ADAMTS17: variants seen among roughly 807,000 people sequenced by gnomAD.
The protein encoded by ADAMTS17 is A disintegrin and metalloproteinase with thrombospondin motifs 17.
ADAMTS17 carries 113 observed loss-of-function variants against 141.5 expected under a neutral mutation model. That is an observed-to-expected ratio of 0.80 (90% CI 0.69 to 0.93). The LOEUF is 0.93. Ranked by LOEUF, ADAMTS17 falls within the 40% of genes least tolerant of loss-of-function variation. ADAMTS17 has a pLI of 0.00. For synonymous variants in ADAMTS17, 768 were observed against 630.6 expected (o/e 1.22, Z -3.27); for missense variants, 1,659 against 1,517.9 (o/e 1.09, Z -1.54).
In ADAMTS17 at chr15:100,261,497, G is replaced by A. The variant is rs1162633279; in HGVS notation, c.1013C>T (p.Ala338Val). The change falls in exon 6 of 22, where the codon GCT (alanine) becomes GTT (valine). Residue 338 changes from alanine to valine, a missense_variant. Ala to Val is a moderately conservative substitution (Grantham distance 64). Coordinates refer to ENST00000268070, the MANE Select transcript of ADAMTS17 (RefSeq NM_139057.4). ...ATCTTACCTGGTCACAAACACGGCA[G>A]CATCCACCAGGGGCGGGTCGTCCTT... is the stretch of plus-strand genomic sequence containing the variant. ...GGKDDPPLVD[A>V]AVFVTRTDFC... 2 of 1,614,100 alleles carry A rather than the reference G, an allele frequency of 1.2e-6. No homozygotes were observed. The highest frequency in any genetic ancestry group is 2.2e-5 in the South Asian group (2 of 91,072).
intron 13 of ADAMTS17, 140 bp from the exon 14 acceptor site, chr15:100,109,256 C>CGCCCCA: frequency 9.7e-7 from 1 of 1,033,430 alleles, no homozygotes; most frequent in Non-Finnish European, 1.4e-6. Context: ...CTCAGGTACG[C>CGCCCCA]GCTCCAGGAA....
intron 4 of ADAMTS17, among the ~76,000 whole-genome samples, chr15:100,271,613 A>C (rs2043916065): frequency 6.6e-6 from 1 of 151,576 alleles, no homozygotes; most frequent in Non-Finnish European, 1.5e-5. Context: ...TGGGTTTTAG[A>C]AGCTTTCTAT....
chr15:100,204,546 T>C (rs2041459127), intron 7 of ADAMTS17, among the ~76,000 whole-genome samples: 2 of 152,240 alleles, frequency 1.3e-5, no homozygotes, highest in East Asian at 1.9e-4. Flanking sequence ...GCAAATGTCT[T>C]AGAGGCTAGG....
At chr15:100,157,784 C>T (rs193143049) in intron 8 of ADAMTS17, among the ~76,000 whole-genome samples, 1 of 152,278 alleles carries the variant, frequency 6.6e-6, no homozygotes, top group East Asian at 1.9e-4. Flanking sequence ...TAGATTCAGT[C>T]TCGTCCTCAT....
At chr15:100,111,422 C>G (rs889873545) in intron 13 of ADAMTS17, among the ~76,000 whole-genome samples, 2 of 152,208 alleles carry the variant, frequency 1.3e-5, no homozygotes, top group Non-Finnish European at 2.9e-5. Context: ...AAGGAGAACT[C>G]TGGAAGATGG....
At chr15:100,149,389 A>T (rs2039059011) in intron 10 of ADAMTS17, among the ~76,000 whole-genome samples, 1 of 152,214 alleles carries the variant, frequency 6.6e-6, no homozygotes, top group African/African-American at 2.4e-5. Context: ...CCTCCATTTT[A>T]AAGTTTAACT....
intron 10 of ADAMTS17, among the ~76,000 whole-genome samples, chr15:100,135,227 A>G (rs1002710215): frequency 2.0e-5 from 3 of 152,238 alleles, no homozygotes; most frequent in Admixed American, 2.0e-4. Context: ...AACAGAACAC[A>G]AAAAGGACTA....
At chr15:100,268,455 CTG>C (rs780859570) in intron 4 of ADAMTS17, among the ~76,000 whole-genome samples, 1 of 152,170 alleles carries the variant, frequency 6.6e-6, no homozygotes, top group Non-Finnish European at 1.5e-5. Flanking sequence ...TTGCCAGCAT[CTG>C]TTATTTTTCT....
At chr15:100,230,230 C>G (rs183245447) in intron 7 of ADAMTS17, among the ~76,000 whole-genome samples, 103 of 152,324 alleles carry the variant, frequency 6.8e-4, no homozygotes, top group Admixed American at 1.3e-3. Context: ...CCGCGGTGCA[C>G]GAAAGCCACA....
chr15:100,008,568 C>A (rs1008843077), intron 18 of ADAMTS17, among the ~76,000 whole-genome samples: 36 of 152,224 alleles, frequency 2.4e-4, no homozygotes, highest in African/African-American at 7.5e-4. Context: ...CAGCGCTGGA[C>A]TGCCATCTCC....
chr15:100,015,520 G>T (rs2061271922), intron 18 of ADAMTS17, among the ~76,000 whole-genome samples: 1 of 152,176 alleles, frequency 6.6e-6, no homozygotes, highest in African/African-American at 2.4e-5. Context: ...TTTGTTTCAA[G>T]ATTTAGAGCT....
intron 6 of ADAMTS17, among the ~76,000 whole-genome samples, 180 bp downstream of exon 6, chr15:100,261,299 C>T (rs2043507582): frequency 1.3e-5 from 2 of 152,192 alleles, no homozygotes; most frequent in South Asian, 4.1e-4. Flanking sequence ...AGGCATCGTA[C>T]CTACCTCAGA....
chr15:99,982,702 G>A (rs982717112), intron 20 of ADAMTS17, among the ~76,000 whole-genome samples: 5 of 152,198 alleles, frequency 3.3e-5, no homozygotes, highest in African/African-American at 1.2e-4. Flanking sequence ...TTGTCAAGGG[G>A]CTCATCACAT....
chr15:100,186,863 T>C (rs934211237), intron 8 of ADAMTS17, among the ~76,000 whole-genome samples: 23 of 152,244 alleles, frequency 1.5e-4, no homozygotes, highest in Admixed American at 1.4e-3. Context: ...CATTCTGGAA[T>C]GTTTCCTATA....
At chr15:100,241,121 G>C (rs958340192) in intron 7 of ADAMTS17, among the ~76,000 whole-genome samples, 23 of 151,500 alleles carry the variant, frequency 1.5e-4, no homozygotes, top group Non-Finnish European at 4.4e-5. Context: ...CCTACACCTG[G>C]CCTATCTGGC....
At chr15:100,291,041 G>A (rs1030644871) in intron 3 of ADAMTS17, among the ~76,000 whole-genome samples, 3 of 152,162 alleles carry the variant, frequency 2.0e-5, no homozygotes, top group Non-Finnish European at 4.4e-5. Context: ...CACAGCAAAA[G>A]AACCTATCAA....
At position 100,311,419 on chromosome 15, in the gene ADAMTS17, C is replaced by T. The variant is rs577028664; in HGVS notation, c.616+19470G>A. ...GGGCTGGACCAGCTGCCAGGAGCTT[C>T]CCTGAGCCACCTGGACAGCCCCAGC... On this transcript the variant is annotated intron_variant, in intron 3 of 21. Coordinates refer to ENST00000268070, the MANE Select transcript of ADAMTS17 (RefSeq NM_139057.4). Among the ~76,000 whole-genome samples the T allele has an allele frequency of 4.1e-4, 63 of 152,366 alleles. 1 individual carries two copies. The Middle Eastern group carries it at 0.01, about 25-fold the overall frequency.
intron 3 of ADAMTS17, among the ~76,000 whole-genome samples, chr15:100,318,404 T>C (rs2045631375): frequency 6.6e-6 from 1 of 152,046 alleles, no homozygotes; most frequent in Non-Finnish European, 1.5e-5. Context: ...GATTAGGTCA[T>C]GAGGGTGGGG....
At chr15:100,085,861 AG>A (rs890597890) in intron 15 of ADAMTS17, among the ~76,000 whole-genome samples, 1 of 152,166 alleles carries the variant, frequency 6.6e-6, no homozygotes, top group African/African-American at 2.4e-5. Flanking sequence ...AAACATGGAA[AG>A]GAACAACTGG....
Sources: allele counts gnomAD v4.1 joint callset (sites outside exome capture counted in the v4.1 genomes callset), GRCh38; gene constraint gnomAD v4.1.1; transcripts MANE v1.5; gene names NCBI Gene and HGNC (gene_info 2026-07-23, HGNC 2026-07-21).